The following THSD7B variants were observed in gnomAD, a reference collection of about 807,000 sequenced individuals.
THSD7B encodes thrombospondin type 1 domain containing 7B.
A neutral mutation model predicts 213.6 loss-of-function variants in THSD7B; 138 were observed. The observed-to-expected ratio is 0.65, with a 90% CI of 0.56 to 0.74. The LOEUF (loss-of-function observed/expected upper bound fraction) is 0.74. Ranked by LOEUF, THSD7B falls within the 30% of genes least tolerant of loss-of-function variation. THSD7B has a pLI of 0.00. For missense variants in THSD7B, 1,931 were observed against 1,991.5 expected (o/e 0.97, Z 0.58); for synonymous variants, 742 against 687.0 (o/e 1.08, Z -1.25).
At chr2:137,548,132 C>T (rs528967168) in intron 15 of THSD7B, among the ~76,000 whole-genome samples, 5 of 152,086 alleles carry the variant, frequency 3.3e-5, no homozygotes, top group East Asian at 3.9e-4. Context: ...AATACCCATG[C>T]GTTTCTGCTG....
At chr2:136,887,881 T>C (rs867519025) in intron 2 of THSD7B, among the ~76,000 whole-genome samples, 5 of 152,158 alleles carry the variant, frequency 3.3e-5, no homozygotes, top group African/African-American at 1.2e-4. Context: ...TTAACCTCTC[T>C]GAGCCATATT....
intron 1 of THSD7B, among the ~76,000 whole-genome samples, chr2:136,832,783 A>G (rs958957584): frequency 1.3e-5 from 2 of 152,226 alleles, no homozygotes; most frequent in African/African-American, 4.8e-5. Flanking sequence ...CCCATTTTAT[A>G]GTTAAGACAC....
At chr2:136,942,298 TA>T (rs1684841691) in intron 2 of THSD7B, among the ~76,000 whole-genome samples, 1 of 152,198 alleles carries the variant, frequency 6.6e-6, no homozygotes, top group African/African-American at 2.4e-5. Flanking sequence ...CCAGCTTTGT[TA>T]TTTTTGGTTG....
chr2:137,611,625 A>G (rs1423081942), intron 17 of THSD7B, among the ~76,000 whole-genome samples: 1 of 152,168 alleles, frequency 6.6e-6, no homozygotes, highest in East Asian at 1.9e-4. Context: ...ACCCAATAAT[A>G]TGTAATGGCT....
intron 2 of THSD7B, among the ~76,000 whole-genome samples, chr2:136,934,315 T>A (rs752925175): frequency 5.5e-4 from 84 of 152,206 alleles, no homozygotes; most frequent in Non-Finnish European, 9.4e-4. Flanking sequence ...TCTTTTCTAA[T>A]CACATTATTT....
intron 4 of THSD7B, among the ~76,000 whole-genome samples, chr2:137,096,092 C>T (rs1558919209): frequency 6.6e-6 from 1 of 152,074 alleles, no homozygotes; most frequent in Non-Finnish European, 1.5e-5. Context: ...GTTGTTGGCT[C>T]ACAGTGGGCC....
chr2:137,212,396 A>C (rs1681131945), intron 7 of THSD7B, among the ~76,000 whole-genome samples: 1 of 152,086 alleles, frequency 6.6e-6, no homozygotes, highest in Admixed American at 6.6e-5. Context: ...AGCCTTCATC[A>C]GAAAACTCTT....
intron 7 of THSD7B, among the ~76,000 whole-genome samples, chr2:137,221,286 C>CAA (rs58460594): frequency 7.9e-5 from 12 of 151,078 alleles, no homozygotes; most frequent in African/African-American, 2.9e-4. Flanking sequence ...GGCTCCGTCT[C>CAA]AAAAAAAACA....
intron 14 of THSD7B, among the ~76,000 whole-genome samples, chr2:137,445,302 C>T (rs979286021): frequency 2.0e-5 from 3 of 151,984 alleles, no homozygotes; most frequent in African/African-American, 7.2e-5. Context: ...AGTATCAGCA[C>T]TGCAATGTTT....
In THSD7B at chr2:137,160,256, G is replaced by A. The variant is rs376181717; in HGVS notation, c.1413G>A (p.Pro471=). The change falls in exon 6 of 28, where the codon CCG becomes CCA. Residue 471 remains proline (P), a synonymous_variant. Coordinates refer to ENST00000409968, the MANE Select transcript of THSD7B (RefSeq NM_001316349.2). ...AGGCATTATGTGTGGGACCCGCCCC[G>A]TTGCCCTCTCAGCTCTGCAATATCC... The part of the protein sequence containing the change: ...VEKALCVGPA[P]LPSQLCNIPC... 4.6e-5 allele frequency: 74 copies of A among 1,613,430 alleles called. No individual in the cohort carries two copies. Among genetic ancestry groups the A allele is most frequent in the African/African-American group, 2.3e-4 (17 of 74,874 alleles).
rs763566457 is a variant in THSD7B, at chr2:137,233,111, G to A, written c.2128G>A (p.Val710Met). Residue 710 changes from valine to methionine, a missense_variant, in exon 9 of 28, where the codon GTG (valine) becomes ATG (methionine). Physicochemically the swap from Val to Met is conservative, Grantham distance 21. Transcript: ENST00000409968. ...TRRVFCVKSH[V>M]GQVMTKRCPD... ...GAGAGTCTTCTGTGTCAAGAGTCAC[G>A]TGGGACAAGTAATGACCAAAAGGTA... 2.5e-5 allele frequency: 41 copies of A among 1,613,480 alleles called. No homozygotes were observed. The highest frequency in any genetic ancestry group is 2.7e-5 in the Non-Finnish European group (32 of 1,179,692).
intron 2 of THSD7B, among the ~76,000 whole-genome samples, chr2:136,996,519 A>G (rs1685893413): frequency 6.6e-6 from 1 of 151,348 alleles, no homozygotes; most frequent in Non-Finnish European, 1.5e-5. Context: ...TTAAAAAAAA[A>G]TTATTTGTAG....
intron 2 of THSD7B, among the ~76,000 whole-genome samples, chr2:136,954,988 A>G (rs1685101767): frequency 6.6e-6 from 1 of 152,080 alleles, no homozygotes; most frequent in Non-Finnish European, 1.5e-5. Flanking sequence ...TTTACTTTTT[A>G]TCTGTAGACA....
chr2:137,006,860 T>C (rs1686123466), intron 2 of THSD7B, among the ~76,000 whole-genome samples: 1 of 152,204 alleles, frequency 6.6e-6, no homozygotes, highest in Admixed American at 6.5e-5. Flanking sequence ...TTTCTCATTA[T>C]TTCATGGATT....
At chr2:137,468,733 ATTTAGATAC>A (rs747707259) in intron 15 of THSD7B, among the ~76,000 whole-genome samples, 14 of 152,044 alleles carry the variant, frequency 9.2e-5, no homozygotes, top group Non-Finnish European at 1.9e-4. Context: ...TAGCATGTAT[ATTTAGATAC>A]TTTATTTTCA....
At position 137,377,125 on chromosome 2, in the gene THSD7B, T is replaced by C. The variant is rs11885519; in HGVS notation, c.2501-28488T>C. 9.9e-3 allele frequency among the ~76,000 whole-genome samples: 1,502 copies of C among 152,284 alleles called. 30 individuals are homozygous for C. Among genetic ancestry groups the C allele is most frequent in the African/African-American group, 0.035 (1,453 of 41,562 alleles). On this transcript the variant is annotated intron_variant, in intron 12 of 27. Transcript: ENST00000409968. ...TTATATATTTAGTGCATTTTTTCCG[T>C]ATGTGGTGGAAATTGGGTATTCTGT...
intron 12 of THSD7B, among the ~76,000 whole-genome samples, chr2:137,299,616 T>C (rs1683551463): frequency 6.6e-6 from 1 of 152,140 alleles, no homozygotes; most frequent in South Asian, 2.1e-4. Flanking sequence ...GTTAGTGCAG[T>C]TACCAGCTTA....
intron 12 of THSD7B, among the ~76,000 whole-genome samples, chr2:137,342,167 G>T (rs1043041239): frequency 6.6e-6 from 1 of 151,418 alleles, no homozygotes; most frequent in South Asian, 2.1e-4. Flanking sequence ...GTATATTCTT[G>T]AATGTCTTTC....
intron 12 of THSD7B, among the ~76,000 whole-genome samples, chr2:137,366,138 AG>A (rs1195186882): frequency 6.6e-6 from 1 of 152,176 alleles, no homozygotes; most frequent in African/African-American, 2.4e-5. Context: ...AACTATCGCA[AG>A]GACAGAAACC....
Sources: allele counts gnomAD v4.1 joint callset (sites outside exome capture counted in the v4.1 genomes callset), GRCh38; gene constraint gnomAD v4.1.1; transcripts MANE v1.5; gene names NCBI Gene and HGNC (gene_info 2026-07-23, HGNC 2026-07-21).